UNC5D: variants seen among roughly 807,000 people sequenced by gnomAD.
UNC5D encodes unc-5 netrin receptor D, also known as netrin receptor UNC5D.
In UNC5D, 39 loss-of-function variants were observed where a neutral mutation model predicts 105.4. The ratio of observed to expected loss-of-function variants is 0.37; its 90% CI spans 0.29 to 0.48. The LOEUF (loss-of-function observed/expected upper bound fraction) is 0.48. Among genes scored for constraint, UNC5D ranks in the 20% least tolerant of loss-of-function variants. UNC5D has a pLI of 0.98. For missense variants in UNC5D, 991 were observed against 1,202.4 expected, an observed-to-expected ratio of 0.82 and a Z score of 2.60; for synonymous variants, 452 against 450.4, an observed-to-expected ratio of 1.00 and a Z score of -0.04.
chr8:35,626,017 C>T lies in UNC5D; in HGVS notation c.570+30360C>T, dbSNP rs189671224. ...AATTAAATTGCTCCTTGGCAGATAGCAGGGCTGTCTTTCAGCTTTTGTTTA... is the reference window on the plus strand; with the variant it reads ...AATTAAATTGCTCCTTGGCAGATAGTAGGGCTGTCTTTCAGCTTTTGTTTA... On this transcript the variant is annotated intron_variant, in intron 4 of 16. Transcript: ENST00000404895. Among the ~76,000 whole-genome samples, 478 of 152,232 alleles carry T rather than the reference C, an allele frequency of 3.1e-3. 2 individuals are homozygous for T. Among genetic ancestry groups the T allele is most frequent in the South Asian group, 5.0e-3 (24 of 4,816 alleles).
intron 1 of UNC5D, among the ~76,000 whole-genome samples, chr8:35,422,080 GTA>G (rs1805944889): frequency 1.3e-5 from 2 of 152,172 alleles, no homozygotes; most frequent in African/African-American, 4.8e-5. Context: ...ACCATGAACG[GTA>G]TAGCCTCACG....
intron 4 of UNC5D, among the ~76,000 whole-genome samples, chr8:35,680,306 G>C (rs1450370838): frequency 6.6e-6 from 1 of 152,082 alleles, no homozygotes; most frequent in Non-Finnish European, 1.5e-5. Flanking sequence ...TTTTAATCTT[G>C]GCTATTTTGG....
intron 1 of UNC5D, among the ~76,000 whole-genome samples, chr8:35,405,611 G>C (rs1399564729): frequency 6.6e-6 from 1 of 151,978 alleles, no homozygotes; most frequent in African/African-American, 2.4e-5. Flanking sequence ...TTCTATTTCT[G>C]TCAGAATTAG....
intron 1 of UNC5D, among the ~76,000 whole-genome samples, chr8:35,238,897 T>C (rs1033924586): frequency 6.6e-6 from 1 of 152,190 alleles, no homozygotes; most frequent in Admixed American, 6.5e-5. Context: ...TCTATAGTCA[T>C]TTCTACCTTA....
chr8:35,644,208 T>C lies in UNC5D; in HGVS notation c.571-39339T>C, dbSNP rs144326679. On this transcript the variant is annotated intron_variant, in intron 4 of 16. Transcript: ENST00000404895. ...GCTTATATAGAGTTAGGGTTTTTGA[T>C]CTCCTGATCCTTTTTCAGTAAGTGG... Among the ~76,000 whole-genome samples, 176 of 152,234 alleles carry C rather than the reference T, an allele frequency of 1.2e-3. 1 individual carries two copies. Among genetic ancestry groups the C allele is most frequent in the African/African-American group, 4.0e-3 (167 of 41,544 alleles).
chr8:35,538,439 A>ATATATATATATATATG (rs1563514252), intron 1 of UNC5D, among the ~76,000 whole-genome samples: 3 of 126,882 alleles, frequency 2.4e-5, no homozygotes, highest in African/African-American at 3.0e-5. Context: ...ATATATATAT[A>ATATATATATATATATG]TGAATTTTAT....
At chr8:35,415,382 C>T (rs182142080) in intron 1 of UNC5D, among the ~76,000 whole-genome samples, 1 of 152,218 alleles carries the variant, frequency 6.6e-6, no homozygotes, top group East Asian at 1.9e-4. Context: ...TTTATTTTCA[C>T]TTCTTTTATG....
intron 3 of UNC5D, among the ~76,000 whole-genome samples, chr8:35,588,451 G>GA (rs1818941619): frequency 6.6e-6 from 1 of 152,160 alleles, no homozygotes; most frequent in African/African-American, 2.4e-5. Context: ...CTCTGCCTCA[G>GA]TTTAGATATT....
chr8:35,425,387 A>G (rs1806176098), intron 1 of UNC5D, among the ~76,000 whole-genome samples: 1 of 152,130 alleles, frequency 6.6e-6, no homozygotes, highest in Non-Finnish European at 1.5e-5. Context: ...TCTCTTAGCT[A>G]TCCTTTCAGC....
intron 1 of UNC5D, among the ~76,000 whole-genome samples, chr8:35,367,634 G>A (rs1054567023): frequency 6.6e-6 from 1 of 152,038 alleles, no homozygotes; most frequent in African/African-American, 2.4e-5. Flanking sequence ...GGTATAATAT[G>A]GCAAATATAA....
At chr8:35,374,440 T>TAA (rs925350265) in intron 1 of UNC5D, among the ~76,000 whole-genome samples, 1 of 152,166 alleles carries the variant, frequency 6.6e-6, no homozygotes, top group African/African-American at 2.4e-5. Flanking sequence ...TACAAGAAGG[T>TAA]AACAATGTAC....
At chr8:35,610,116 T>C (rs1820573634) in intron 4 of UNC5D, among the ~76,000 whole-genome samples, 1 of 151,732 alleles carries the variant, frequency 6.6e-6, no homozygotes, top group African/African-American at 2.4e-5. Context: ...GTTATCTCAA[T>C]TAATTTGAAA....
chr8:35,449,344 ATGTCCTCTC>A lies in UNC5D; in HGVS notation c.104-99944_104-99936del, dbSNP rs200918146. ...TGAGACCTTTCCCGTGGCACCTTCC[ATGTCCTCTC>A]TGTTATTGAGCTTCTGCTCGTGGTC... On this transcript the variant is annotated intron_variant, in intron 1 of 16. Coordinates refer to ENST00000404895, the MANE Select transcript of UNC5D (RefSeq NM_080872.4). Among the ~76,000 whole-genome samples the A allele has an allele frequency of 2.7e-4, 41 of 152,028 alleles. 3 individuals are homozygous for A. The East Asian group carries it at 6.6e-3, about 25-fold the overall frequency.
At chr8:35,784,339 G>A (rs893047) in intron 16 of UNC5D, among the ~76,000 whole-genome samples, 2,082 of 152,226 alleles carry the variant, frequency 0.014, 35 homozygotes, top group African/African-American at 0.047. Flanking sequence ...GTATTTTACA[G>A]TTTATCTGTG....
At chr8:35,540,484 T>C (rs1348133082) in intron 1 of UNC5D, among the ~76,000 whole-genome samples, 2 of 150,500 alleles carry the variant, frequency 1.3e-5, no homozygotes, top group Non-Finnish European at 3.0e-5. Context: ...TGTGTGTGTT[T>C]CCTGGTTATG....
chr8:35,705,357 C>G (rs1827505449), intron 7 of UNC5D, among the ~76,000 whole-genome samples: 1 of 152,124 alleles, frequency 6.6e-6, no homozygotes, highest in Non-Finnish European at 1.5e-5. Context: ...AGAGATGGAA[C>G]AGATTTTAGC....
intron 4 of UNC5D, among the ~76,000 whole-genome samples, chr8:35,679,592 G>A (rs1483232721): frequency 6.6e-6 from 1 of 152,144 alleles, no homozygotes; most frequent in Non-Finnish European, 1.5e-5. Context: ...GATTTTGTTA[G>A]CCTAGAGGTT....
intron 1 of UNC5D, among the ~76,000 whole-genome samples, chr8:35,378,412 G>A (rs1019656995): frequency 3.3e-5 from 5 of 152,140 alleles, no homozygotes; most frequent in Non-Finnish European, 7.4e-5. Context: ...CAAGCCTTCC[G>A]TGACATCTAT....
chr8:35,588,933 C>T, intron 3 of UNC5D, among the ~76,000 whole-genome samples: 1 of 151,996 alleles, frequency 6.6e-6, no homozygotes, highest in Non-Finnish European at 1.5e-5. Flanking sequence ...ATCCCAGCTA[C>T]TCAGGAGGTT....
Sources: allele counts gnomAD v4.1 joint callset (sites outside exome capture counted in the v4.1 genomes callset), GRCh38; gene constraint gnomAD v4.1.1; transcripts MANE v1.5; gene names NCBI Gene and HGNC (gene_info 2026-07-23, HGNC 2026-07-21).